The following TENM2 variants were observed in gnomAD, a reference collection of about 807,000 sequenced individuals.
TENM2 encodes the protein teneurin transmembrane protein 2.
A neutral mutation model predicts 245.2 loss-of-function variants in TENM2; 52 were observed. The observed-to-expected ratio is 0.21, with a 90% CI of 0.17 to 0.27. The LOEUF (loss-of-function observed/expected upper bound fraction) is 0.27. Among genes scored for constraint, TENM2 ranks in the 10% least tolerant of loss-of-function variants. The pLI is 1.00. For synonymous variants in TENM2, 1,363 were observed against 1,438.9 expected, an observed-to-expected ratio of 0.95 and a Z score of 1.19; for missense variants, 3,046 against 3,666.8, an observed-to-expected ratio of 0.83 and a Z score of 4.37.
intron 2 of TENM2, among the ~76,000 whole-genome samples, chr5:167,804,390 G>A (rs555963757): frequency 3.3e-5 from 5 of 152,202 alleles, no homozygotes; most frequent in South Asian, 2.1e-4. Context: ...ATCTGAGGGC[G>A]TAGAGCATGT....
rs534362529 is a variant in TENM2, at chr5:168,242,583, G to A, written c.5521-1837G>A. On this transcript the variant is annotated intron_variant, in intron 25 of 28. Coordinates refer to ENST00000518659, the Ensembl canonical transcript of TENM2. Reference sequence around the variant, plus strand: ...ATCATTTGTCAAATGGTCTTTGTGAGCAACAACTCAAACAATGGATGCAAA... The same window carrying A: ...ATCATTTGTCAAATGGTCTTTGTGAACAACAACTCAAACAATGGATGCAAA... 5.3e-5 allele frequency among the ~76,000 whole-genome samples: 8 copies of A among 152,260 alleles called. No individual in the cohort carries two copies. In the South Asian group the frequency reaches 1.2e-3, roughly 24 times the overall value.
chr5:167,320,299 A>G (rs954803112), intron 1 of TENM2, among the ~76,000 whole-genome samples: 3 of 152,200 alleles, frequency 2.0e-5, no homozygotes, highest in African/African-American at 7.2e-5. Flanking sequence ...AAAAATTAAT[A>G]CAATAAAACT....
At chr5:168,157,939 T>G (rs1365213442) in intron 12 of TENM2, among the ~76,000 whole-genome samples, 2 of 152,104 alleles carry the variant, frequency 1.3e-5, no homozygotes, top group Non-Finnish European at 2.9e-5. Flanking sequence ...TGTTGTTGTT[T>G]TGAGACCGAG....
intron 4 of TENM2, chr5:167,965,247 A>G (rs1017870653): frequency 6.6e-6 from 1 of 152,192 alleles, no homozygotes; most frequent in Admixed American, 6.5e-5. Context: ...GTGGCAGAAA[A>G]CAAAAGTTCA....
At chr5:167,301,109 G>T (rs780912008) in intron 1 of TENM2, among the ~76,000 whole-genome samples, 2 of 152,162 alleles carry the variant, frequency 1.3e-5, no homozygotes, top group Non-Finnish European at 2.9e-5. Flanking sequence ...CTCAGCATCC[G>T]TGATGGCCTA....
chr5:167,994,483 G>C (rs959927037), intron 5 of TENM2, among the ~76,000 whole-genome samples: 1 of 152,224 alleles, frequency 6.6e-6, no homozygotes, highest in African/African-American at 2.4e-5. Context: ...GATGGCAAAG[G>C]GGCATGACTG....
chr5:167,006,481 A>G, the TENM2 span, among the ~76,000 whole-genome samples: 3 of 152,190 alleles, frequency 2.0e-5, no homozygotes, highest in African/African-American at 4.8e-5. Flanking sequence ...AACTTTTAAA[A>G]TCAGCCTGAT....
chr5:167,448,271 G>A (rs1242840014), intron 2 of TENM2, among the ~76,000 whole-genome samples: 2 of 152,030 alleles, frequency 1.3e-5, no homozygotes, highest in Non-Finnish European at 2.9e-5. Flanking sequence ...CAGGGCAATT[G>A]TGCAAATGGT....
chr5:167,751,953 TACACACAC>T (rs111301552), intron 2 of TENM2, among the ~76,000 whole-genome samples: 2 of 149,672 alleles, frequency 1.3e-5, no homozygotes, highest in African/African-American at 2.5e-5. Context: ...GTGAAAATAA[TACACACAC>T]ACACACACAC....
At chr5:167,030,739 G>A in the TENM2 span, among the ~76,000 whole-genome samples, 3 of 152,276 alleles carry the variant, frequency 2.0e-5, no homozygotes, top group South Asian at 4.1e-4. Context: ...AGCAGGGGGT[G>A]GGAGAGTCCC....
chr5:167,966,176 G>A (rs1339463100), intron 4 of TENM2, among the ~76,000 whole-genome samples: 1 of 152,192 alleles, frequency 6.6e-6, no homozygotes, highest in African/African-American at 2.4e-5. Flanking sequence ...GGTGGTGGCA[G>A]CATAGCATAT....
the TENM2 span, among the ~76,000 whole-genome samples, chr5:167,148,191 G>T: frequency 6.6e-5 from 10 of 152,170 alleles, no homozygotes; most frequent in African/African-American, 2.4e-4. Flanking sequence ...GGCTCACCCT[G>T]CATTGAATAA....
At chr5:167,142,834 G>A in the TENM2 span, among the ~76,000 whole-genome samples, 2 of 152,192 alleles carry the variant, frequency 1.3e-5, no homozygotes, top group South Asian at 2.1e-4. Flanking sequence ...ACAGGCATGA[G>A]CCATTTCTCC....
intron 2 of TENM2, among the ~76,000 whole-genome samples, chr5:167,644,714 G>A (rs1225637168): frequency 6.6e-6 from 1 of 152,182 alleles, no homozygotes. Flanking sequence ...CAGGACTTAA[G>A]TCTAGCTCTG....
intron 2 of TENM2, among the ~76,000 whole-genome samples, chr5:167,804,160 C>A (rs1765980383): frequency 6.6e-6 from 1 of 151,826 alleles, no homozygotes; most frequent in African/African-American, 2.4e-5. Context: ...GATACCTAAT[C>A]CATAGATAAC....
At chr5:168,252,451 T>A (rs1195720770) in intron 27 of TENM2, among the ~76,000 whole-genome samples, 1 of 150,910 alleles carries the variant, frequency 6.6e-6, no homozygotes, top group African/African-American at 2.4e-5. Context: ...CCCAGGAAAC[T>A]CTTCCGTCTT....
intron 2 of TENM2, among the ~76,000 whole-genome samples, chr5:167,811,994 G>A (rs1203830530): frequency 1.3e-5 from 2 of 152,114 alleles, no homozygotes; most frequent in Admixed American, 6.6e-5. Flanking sequence ...TTTCAGCTGG[G>A]GAAGGTAGAG....
rs1768321072 is a variant in TENM2, at chr5:167,829,937, GT to G, written c.503-46048del. 2.0e-5 allele frequency among the ~76,000 whole-genome samples: 3 copies of G among 152,258 alleles called. No homozygotes were observed. The South Asian group carries it at 6.2e-4, about 32-fold the overall frequency. ...AAGGGCTGATGAATCCATATTGCAG[GT>G]CCTTCAGCTCCTCATGGAGAGGCAA... On this transcript the variant is annotated intron_variant, in intron 2 of 28. Coordinates refer to ENST00000518659, the Ensembl canonical transcript of TENM2.
At chr5:167,187,016 C>T in the TENM2 span, among the ~76,000 whole-genome samples, 1 of 152,170 alleles carries the variant, frequency 6.6e-6, no homozygotes, top group African/African-American at 2.4e-5. Flanking sequence ...TCTCCACCCG[C>T]CATGTCTTCA....
Sources: allele counts gnomAD v4.1 joint callset (sites outside exome capture counted in the v4.1 genomes callset), GRCh38; gene constraint gnomAD v4.1.1; transcripts MANE v1.5; gene names NCBI Gene and HGNC (gene_info 2026-07-23, HGNC 2026-07-21).